The following CAMTA1 variants were observed in gnomAD, a reference collection of about 807,000 sequenced individuals.
CAMTA1 encodes calmodulin binding transcription activator 1.
A neutral mutation model predicts 170.9 loss-of-function variants in CAMTA1; 27 were observed. That is an observed-to-expected ratio of 0.16 (90% confidence interval 0.12 to 0.22). The LOEUF (loss-of-function observed/expected upper bound fraction) is 0.22, where lower values mean the gene tolerates loss of function less well. Ranked by LOEUF, CAMTA1 falls within the 10% of genes least tolerant of loss-of-function variation. CAMTA1 has a pLI of 1.00. For missense variants in CAMTA1, 1,619 were observed against 2,217.2 expected, an observed-to-expected ratio of 0.73 and a Z score of 5.42; for synonymous variants, 833 against 891.5, an observed-to-expected ratio of 0.93 and a Z score of 1.17.
chr1:6,918,402 A>G lies in CAMTA1; in HGVS notation c.234+93192A>G, dbSNP rs1429533936. On this transcript the variant is annotated intron_variant, in intron 3 of 22. Transcript: ENST00000303635. This position sits in a 1 kb window ranked among gnomAD's most constrained non-coding sequence, Gnocchi z 4.0. The stretch of plus-strand genomic sequence containing the variant: ...AAGGCCCCTCAGCTGCCCTGCATCC[A>G]TCATCCCAAGTGACAGAATTTACAT... 1.3e-5 allele frequency among the ~76,000 whole-genome samples: 2 copies of G among 152,240 alleles called. No homozygotes were observed. Among genetic ancestry groups the G allele is most frequent in the East Asian group, 1.9e-4 (1 of 5,202 alleles).
chr1:7,166,152 C>T (rs971482507), intron 4 of CAMTA1, among the ~76,000 whole-genome samples: 48 of 151,736 alleles, frequency 3.2e-4, no homozygotes, highest in Non-Finnish European at 6.3e-4. Flanking sequence ...CTGCAAGCTC[C>T]TCCTCCTGGG....
intron 3 of CAMTA1, among the ~76,000 whole-genome samples, chr1:7,015,631 C>T (rs566355127): frequency 1.3e-5 from 2 of 152,318 alleles, no homozygotes; most frequent in South Asian, 2.1e-4. Context: ...CAGGGCAGCT[C>T]CACCACATCC....
chr1:7,404,918 GT>G (rs1407790062), intron 5 of CAMTA1, among the ~76,000 whole-genome samples: 1 of 151,934 alleles, frequency 6.6e-6, no homozygotes, highest in Non-Finnish European at 1.5e-5. Context: ...TTTTTTGTTT[GT>G]TTTTTGGGGT....
chr1:7,348,573 G>A (rs1488824827), intron 5 of CAMTA1, among the ~76,000 whole-genome samples: 10 of 152,240 alleles, frequency 6.6e-5, no homozygotes, highest in Admixed American at 5.2e-4. Flanking sequence ...AGGCGACTGC[G>A]TGGTCCCTGC....
chr1:7,131,596 C>T (rs1287297363), intron 4 of CAMTA1, among the ~76,000 whole-genome samples: 1 of 150,794 alleles, frequency 6.6e-6, no homozygotes, highest in Non-Finnish European at 1.5e-5. Context: ...ATTCTTTTTC[C>T]ATTGAATTGC....
rs1380025204 is a variant in CAMTA1 at position 7,664,901 on chromosome 1, G to A, written c.2354G>A (p.Gly785Glu). ...DLINDFISVE[G>E]GSSTIYGHQL... ...ATCAACGACTTCATCTCCGTGGAGG[G>A]GGGCAGCAGCACCATCTATGGGCAC... Residue 785 changes from glycine to glutamate, a missense_variant, in exon 9 of 23, where the codon GGG (glycine) becomes GAG (glutamate). Coordinates refer to ENST00000303635, the MANE Select transcript of CAMTA1 (RefSeq NM_015215.4). 4 of 1,613,132 alleles carry A rather than the reference G, an allele frequency of 2.5e-6. No homozygotes were observed. Among genetic ancestry groups the A allele is most frequent in the South Asian group, 1.1e-5 (1 of 91,082 alleles).
At position 7,628,159 on chromosome 1, in the gene CAMTA1, C is replaced by T. The variant is rs564898918; in HGVS notation, c.511-12241C>T. The stretch of plus-strand genomic sequence containing the variant: ...GTCTTCTCCCCTCAGCCCTGCTCCT[C>T]GCACCAGCTCCCTTCTCCTTCTCCA... On this transcript the variant is annotated intron_variant, in intron 6 of 22. Coordinates refer to ENST00000303635, the MANE Select transcript of CAMTA1 (RefSeq NM_015215.4). 1.6e-4 allele frequency among the ~76,000 whole-genome samples: 24 copies of T among 152,278 alleles called. No individual in the cohort carries two copies. In the South Asian group the frequency reaches 1.9e-3, roughly 12 times the overall value.
chr1:6,855,876 C>G (rs888286706), intron 3 of CAMTA1, among the ~76,000 whole-genome samples: 1 of 152,178 alleles, frequency 6.6e-6, no homozygotes, highest in Non-Finnish European at 1.5e-5. Flanking sequence ...CCCCCAGGAC[C>G]AAGATCCAGA....
intron 11 of CAMTA1, among the ~76,000 whole-genome samples, chr1:7,686,089 T>C (rs2149356521): frequency 6.6e-6 from 1 of 152,336 alleles, no homozygotes; most frequent in East Asian, 1.9e-4. Context: ...TCCTTCCACC[T>C]GGGCTGCCTG....
chr1:7,479,757 C>T (rs1332434421), intron 6 of CAMTA1, among the ~76,000 whole-genome samples: 1 of 152,188 alleles, frequency 6.6e-6, no homozygotes, highest in African/African-American at 2.4e-5. Flanking sequence ...TTTGCTGTTC[C>T]TGCAATTCTG....
intron 5 of CAMTA1, among the ~76,000 whole-genome samples, chr1:7,424,022 C>T (rs1216750219): frequency 2.0e-5 from 3 of 152,126 alleles, no homozygotes; most frequent in East Asian, 3.9e-4. Flanking sequence ...CAGCACCATG[C>T]GGCACCTTTC....
intron 22 of CAMTA1, among the ~76,000 whole-genome samples, chr1:7,756,545 C>G (rs2096932801): frequency 6.6e-6 from 1 of 152,082 alleles, no homozygotes; most frequent in Non-Finnish European, 1.5e-5. Flanking sequence ...GTCCGAAAAC[C>G]ATTTTTTCAA....
intron 4 of CAMTA1, among the ~76,000 whole-genome samples, chr1:7,179,037 C>G (rs1197629091): frequency 6.6e-6 from 1 of 152,168 alleles, no homozygotes; most frequent in Non-Finnish European, 1.5e-5. Context: ...TGAGGAACAC[C>G]AGTACCAACA....
chr1:6,866,595 C>G (rs189391447), intron 3 of CAMTA1, among the ~76,000 whole-genome samples: 10 of 152,098 alleles, frequency 6.6e-5, no homozygotes, highest in Admixed American at 6.5e-4. Flanking sequence ...ATGAGTGGGT[C>G]TAGACTATGA....
At chr1:6,894,604 T>C (rs1394591937) in intron 3 of CAMTA1, among the ~76,000 whole-genome samples, 3 of 152,270 alleles carry the variant, frequency 2.0e-5, no homozygotes, top group Non-Finnish European at 4.4e-5. Flanking sequence ...TTCTTTCTGT[T>C]AAATGTAAAA....
At chr1:7,460,354 G>A (rs1342113798) in intron 5 of CAMTA1, among the ~76,000 whole-genome samples, 1 of 152,178 alleles carries the variant, frequency 6.6e-6, no homozygotes, top group East Asian at 1.9e-4. Context: ...TGCCCCCTCG[G>A]TACTCTGCCC....
chr1:7,573,965 G>A (rs2095157877), intron 6 of CAMTA1, among the ~76,000 whole-genome samples: 1 of 152,080 alleles, frequency 6.6e-6, no homozygotes, highest in Middle Eastern at 3.4e-3. Flanking sequence ...GTAGAGATGG[G>A]GTTTCACCCT....
chr1:6,898,168 G>A (rs1249061365), intron 3 of CAMTA1, among the ~76,000 whole-genome samples: 1 of 152,140 alleles, frequency 6.6e-6, no homozygotes, highest in Non-Finnish European at 1.5e-5. Context: ...TGTTAAAATT[G>A]TAATGTGTCC....
At chr1:7,650,470 G>A (rs2095841468) in intron 7 of CAMTA1, among the ~76,000 whole-genome samples, 1 of 152,172 alleles carries the variant, frequency 6.6e-6, no homozygotes, top group Non-Finnish European at 1.5e-5. Context: ...CCACTTGCAA[G>A]AAGAAAGAAT....
Sources: gnomAD v4.1 joint callset for allele counts (sites outside exome capture counted in the v4.1 genomes callset) on GRCh38, gnomAD v4.1.1 for gene constraint, Gnocchi (gnomAD v3.1) non-coding constraint, MANE v1.5 for transcripts, NCBI Gene and HGNC (gene_info 2026-07-23, HGNC 2026-07-21) for gene names.